The following CNTN4 variants were observed in gnomAD, a reference collection of about 807,000 sequenced individuals.
CNTN4 encodes contactin-4.
A neutral mutation model predicts 122.5 loss-of-function variants in CNTN4; 77 were observed. The observed-to-expected ratio is 0.63, with a 90% CI of 0.52 to 0.76. The LOEUF (loss-of-function observed/expected upper bound fraction) is 0.76. Among genes scored for constraint, CNTN4 ranks in the 30% least tolerant of loss-of-function variants. The probability of loss-of-function intolerance (pLI) is 0.00; values close to 1 mark genes in which losing one functional copy is unlikely to be tolerated. For missense variants in CNTN4, 1,256 were observed against 1,259.1 expected (o/e 1.00, Z 0.04); for synonymous variants, 512 against 447.0 (o/e 1.15, Z -1.83).
At chr3:2,471,255 G>T (rs1041338257) in intron 3 of CNTN4, among the ~76,000 whole-genome samples, 1 of 152,182 alleles carries the variant, frequency 6.6e-6, no homozygotes, top group African/African-American at 2.4e-5. Flanking sequence ...GACAGAACCA[G>T]TATTTATTTG....
At chr3:2,481,033 T>TTTTTCTTTCTTTCTTTCTTTC (rs2075979193) in intron 3 of CNTN4, among the ~76,000 whole-genome samples, 1 of 119,988 alleles carries the variant, frequency 8.3e-6, no homozygotes, top group Non-Finnish European at 1.8e-5. Context: ...TTTCTTTTTC[T>TTTTTCTTTCTTTCTTTCTTTC]TTTCTTTCTT....
chr3:2,919,189 C>CAAAAAA (rs72363068), intron 12 of CNTN4, among the ~76,000 whole-genome samples: 2,893 of 137,882 alleles, frequency 0.021, 71 homozygotes, highest in African/African-American at 0.057. Context: ...ACTAAAAATA[C>CAAAAAA]AAAAAAAAAA....
intron 13 of CNTN4, among the ~76,000 whole-genome samples, chr3:2,986,929 C>T (rs766657373): frequency 2.0e-5 from 3 of 152,140 alleles, no homozygotes; most frequent in South Asian, 2.1e-4. Flanking sequence ...AACTAAGAAG[C>T]AAACAAATAA....
chr3:2,552,339 T>C (rs1253720972), intron 3 of CNTN4, among the ~76,000 whole-genome samples: 1 of 152,204 alleles, frequency 6.6e-6, no homozygotes, highest in Non-Finnish European at 1.5e-5. Context: ...TTCACTTCTT[T>C]TGACTTTTAA....
intron 2 of CNTN4, among the ~76,000 whole-genome samples, chr3:2,118,410 A>C (rs1307485958): frequency 1.3e-5 from 2 of 152,214 alleles, no homozygotes; most frequent in Non-Finnish European, 2.9e-5. Flanking sequence ...AGCACATTTT[A>C]TTGCAAGGAA....
rs1700348746 is a variant in CNTN4 at position 3,043,504 on chromosome 3, C to G, written c.2699-88C>G. On this transcript the variant is annotated intron_variant, in intron 22 of 24. Coordinates refer to ENST00000418658, the MANE Select transcript of CNTN4 (RefSeq NM_175607.3). ...AGTGCAATAGCCCATTAAATTGCCT[C>G]CACTCTCGAATTCTAGTAAGGAGAT... The G allele has an allele frequency of 6.0e-6, 6 of 1,003,498 alleles. No homozygotes were observed. The Admixed American group carries it at 1.1e-4, about 19-fold the overall frequency. 62.2% of individuals were successfully genotyped at this position (1,003,498 alleles called of 1,614,324 possible). A position where few individuals can be genotyped will look rare whatever the true frequency, so the allele number is the denominator to read the frequency against.
intron 4 of CNTN4, among the ~76,000 whole-genome samples, chr3:2,672,211 G>A (rs2150386126): frequency 6.6e-6 from 1 of 152,322 alleles, no homozygotes; most frequent in African/African-American, 2.4e-5. Context: ...TGCCCCCAGT[G>A]GTGGAGTCTA....
intron 3 of CNTN4, among the ~76,000 whole-genome samples, chr3:2,369,880 C>G (rs2045567071): frequency 6.6e-6 from 1 of 152,074 alleles, no homozygotes; most frequent in African/African-American, 2.4e-5. Flanking sequence ...TTTCTCCTAA[C>G]TAAAATGATA....
chr3:2,985,851 A>C (rs766882880), intron 13 of CNTN4, among the ~76,000 whole-genome samples: 1 of 152,150 alleles, frequency 6.6e-6, no homozygotes, highest in Non-Finnish European at 1.5e-5. Flanking sequence ...TTAAAAGAAA[A>C]TATATTAAAA....
chr3:3,047,239 A>T (rs529960012), intron 23 of CNTN4, among the ~76,000 whole-genome samples: 113 of 152,180 alleles, frequency 7.4e-4, no homozygotes, highest in African/African-American at 2.6e-3. Flanking sequence ...GTTAACAAGG[A>T]TATCCAGGAA....
chr3:2,264,848 C>A (rs1339405867), intron 2 of CNTN4, among the ~76,000 whole-genome samples: 1 of 151,976 alleles, frequency 6.6e-6, no homozygotes, highest in Non-Finnish European at 1.5e-5. Flanking sequence ...GTTTTCCCAA[C>A]ACTATTTTTT....
At chr3:2,723,765 G>A (rs562908549) in intron 4 of CNTN4, among the ~76,000 whole-genome samples, 2 of 152,302 alleles carry the variant, frequency 1.3e-5, no homozygotes, top group South Asian at 4.1e-4. Context: ...CAGCGTACCA[G>A]AATCTCATGT....
At chr3:2,940,238 G>A (rs558240434) in intron 13 of CNTN4, among the ~76,000 whole-genome samples, 120 of 152,324 alleles carry the variant, frequency 7.9e-4, no homozygotes, top group Admixed American at 1.6e-3. Context: ...AAAGCTAAAC[G>A]GAGAACCACG....
At chr3:2,779,993 T>G (rs2091503292) in intron 6 of CNTN4, among the ~76,000 whole-genome samples, 1 of 152,238 alleles carries the variant, frequency 6.6e-6, no homozygotes, top group Admixed American at 6.5e-5. Context: ...TAACTGACCA[T>G]TATCATTTTA....
At chr3:2,629,389 G>T in intron 4 of CNTN4, 1 of 330,456 alleles carries the variant, frequency 3.0e-6, no homozygotes, top group East Asian at 8.5e-5. Context: ...AGCCTGAGCA[G>T]ACTAATGCAG....
chr3:2,712,015 G>A (rs1267432600), intron 4 of CNTN4, among the ~76,000 whole-genome samples: 2 of 152,144 alleles, frequency 1.3e-5, no homozygotes, highest in Non-Finnish European at 2.9e-5. Flanking sequence ...TCAGAGGGCT[G>A]CTGGGTTCAT....
At chr3:2,737,813 C>G (rs2089225494) in intron 5 of CNTN4, among the ~76,000 whole-genome samples, 1 of 152,172 alleles carries the variant, frequency 6.6e-6, no homozygotes, top group Non-Finnish European at 1.5e-5. Flanking sequence ...AGGGCTACAT[C>G]TTTACAGTAA....
chr3:2,381,894 G>A (rs1035539416), intron 3 of CNTN4, among the ~76,000 whole-genome samples: 1 of 152,014 alleles, frequency 6.6e-6, no homozygotes, highest in Non-Finnish European at 1.5e-5. Context: ...AAGGTTCTAA[G>A]ACCAAATTGT....
At chr3:2,674,624 G>T (rs988086345) in intron 4 of CNTN4, among the ~76,000 whole-genome samples, 2 of 152,170 alleles carry the variant, frequency 1.3e-5, no homozygotes, top group African/African-American at 4.8e-5. Flanking sequence ...TGGGTGTGGT[G>T]GTGCATGCCT....
Sources: allele counts gnomAD v4.1 joint callset (sites outside exome capture counted in the v4.1 genomes callset), GRCh38; gene constraint gnomAD v4.1.1; transcripts MANE v1.5; gene names NCBI Gene and HGNC (gene_info 2026-07-23, HGNC 2026-07-21).